The following SCD5 variants were observed in gnomAD, a reference collection of about 807,000 sequenced individuals.
SCD5 encodes the protein acyl-CoA-desaturase 4.
A neutral mutation model predicts 30.4 loss-of-function variants in SCD5; 20 were observed. The observed-to-expected ratio is 0.66, with a 90% confidence interval of 0.46 to 0.96. The LOEUF (loss-of-function observed/expected upper bound fraction) is 0.96, where lower values mean the gene tolerates loss of function less well. Among genes scored for constraint, SCD5 ranks in the 40% least tolerant of loss-of-function variants. The pLI, the probability that SCD5 is intolerant of heterozygous loss-of-function variation, is 0.00. For synonymous variants in SCD5, 173 were observed against 176.4 expected (o/e 0.98, Z 0.16); for missense variants, 381 against 443.3 (o/e 0.86, Z 1.26).
At chr4:82,665,191 C>G (rs1267929532) in intron 3 of SCD5, among the ~76,000 whole-genome samples, 8 of 131,828 alleles carry the variant, frequency 6.1e-5, no homozygotes, top group African/African-American at 2.3e-4. Context: ...CAGCTATGAT[C>G]ATGTCACTGC....
intron 1 of SCD5, among the ~76,000 whole-genome samples, chr4:82,790,699 C>T (rs531832550): frequency 7.2e-5 from 11 of 152,202 alleles, no homozygotes; most frequent in Non-Finnish European, 1.5e-4. Context: ...ATGGTGCCAG[C>T]GCTTGGCAGG....
intron 1 of SCD5, among the ~76,000 whole-genome samples, chr4:82,754,031 T>G (rs1403644789): frequency 6.6e-6 from 1 of 152,130 alleles, no homozygotes; most frequent in Non-Finnish European, 1.5e-5. Context: ...TAACGCAGTC[T>G]CTTGTCAAGC....
chr4:82,680,948 A>T, intron 2 of SCD5, 36 bp from the exon 3 acceptor site: 1 of 1,583,650 alleles, frequency 6.3e-7, no homozygotes, highest in East Asian at 2.2e-5. Flanking sequence ...GAAGAGAGGA[A>T]CCGCACCGCC....
chr4:82,779,101 G>T (rs902255840), intron 1 of SCD5, among the ~76,000 whole-genome samples: 2 of 152,148 alleles, frequency 1.3e-5, no homozygotes, highest in Non-Finnish European at 2.9e-5. Flanking sequence ...CCGACCTCAG[G>T]TGATCCACCC....
chr4:82,753,288 T>A, intron 1 of SCD5: 2 of 500,114 alleles, frequency 4.0e-6, no homozygotes, highest in Non-Finnish European at 8.3e-6. Flanking sequence ...GATGGCTATG[T>A]GTGTTAAAAG....
chr4:82,663,766 T>C (rs1728086801), intron 3 of SCD5, among the ~76,000 whole-genome samples: 1 of 152,186 alleles, frequency 6.6e-6, no homozygotes, highest in Non-Finnish European at 1.5e-5. Flanking sequence ...ATTGTTTGTC[T>C]CTGGGAGAGG....
chr4:82,722,348 G>T (rs1000279247), intron 1 of SCD5, among the ~76,000 whole-genome samples: 1 of 152,160 alleles, frequency 6.6e-6, no homozygotes. Flanking sequence ...CACTAGAGTG[G>T]TTGGTTGTGA....
rs1227040835 is a variant in SCD5 at position 82,798,625 on chromosome 4, C to A, written c.-88G>T. 8.5e-7 allele frequency: 1 copy of A among 1,176,638 alleles called. No homozygotes were observed. Among genetic ancestry groups the A allele is most frequent in the Non-Finnish European group, 1.2e-6 (1 of 857,990 alleles). 72.9% of individuals were successfully genotyped at this position (1,176,638 alleles called of 1,614,324 possible). On this transcript the variant is annotated 5_prime_UTR_variant, in exon 1 of 5. Transcript: ENST00000319540. ...TCGAGGGTGGGGGCGGGGGCTTCTG[C>A]CTTTTAGGGGGGAATTCTCCGCACG...
chr4:82,631,643 G>T, intron 4 of SCD5, 126 bp from the exon 5 acceptor site: 1 of 974,060 alleles, frequency 1.0e-6, no homozygotes, highest in Non-Finnish European at 1.5e-6. Context: ...AGGAGCAAAA[G>T]ACTTGGTTAC....
intron 2 of SCD5, among the ~76,000 whole-genome samples, chr4:82,687,064 G>A (rs1278806134): frequency 2.0e-5 from 3 of 151,770 alleles, no homozygotes; most frequent in African/African-American, 4.8e-5. Flanking sequence ...CCAGCTACTC[G>A]GGTGGCTGAG....
intron 2 of SCD5, among the ~76,000 whole-genome samples, chr4:82,693,412 C>A (rs1719610166): frequency 6.6e-6 from 1 of 152,196 alleles, no homozygotes; most frequent in South Asian, 2.1e-4. Context: ...CTGCACACTT[C>A]TCATTTTTAC....
chr4:82,688,402 C>T (rs936216328), intron 2 of SCD5, among the ~76,000 whole-genome samples: 1 of 151,942 alleles, frequency 6.6e-6, no homozygotes, highest in African/African-American at 2.4e-5. Context: ...ACTGGTGGCT[C>T]CACTCCTTAG....
At chr4:82,656,547 G>A (rs1056842059) in intron 3 of SCD5, among the ~76,000 whole-genome samples, 1 of 152,134 alleles carries the variant, frequency 6.6e-6, no homozygotes, top group East Asian at 1.9e-4. Context: ...TGTGAATAGT[G>A]CTGCAATAAA....
chr4:82,667,771 AT>A (rs1002941807), intron 3 of SCD5, among the ~76,000 whole-genome samples: 7 of 151,980 alleles, frequency 4.6e-5, no homozygotes, highest in African/African-American at 1.7e-4. Flanking sequence ...TTTATTCTCA[AT>A]TTTTTTTGTT....
chr4:82,632,378 T>C (rs6853670), intron 4 of SCD5, among the ~76,000 whole-genome samples: 40,278 of 152,014 alleles, frequency 0.26, 6,358 homozygotes, highest in African/African-American at 0.44. Flanking sequence ...TCCTTTTTTA[T>C]GGCTGCATAG....
chr4:82,798,493 G>T lies in SCD5; in HGVS notation c.45C>A (p.Asp15Glu). ...ATDAGKIPFC[D>E]AKEEIRAGLE... is the part of the protein sequence containing the mutation. The stretch of plus-strand genomic sequence containing the variant: ...GCCCGGCACGGATTTCTTCCTTGGC[G>T]TCGCAGAAAGGGATCTTCCCCGCGT... Residue 15 changes from aspartate (D) to glutamate (E), a missense_variant, in exon 1 of 5, where the codon GAC (aspartate) becomes GAA (glutamate). By Grantham distance (45) the Asp-to-Glu change is conservative. Transcript: ENST00000319540. 1 of 1,610,636 alleles carries T rather than the reference G, an allele frequency of 6.2e-7. No homozygotes were observed. Among genetic ancestry groups the T allele is most frequent in the Non-Finnish European group, 8.5e-7 (1 of 1,178,664 alleles).
chr4:82,768,438 C>T lies in SCD5; in HGVS notation c.232+29868G>A, dbSNP rs934397199. ...TCTAGTAAGTTAAAAAAAAGTCTGA[C>T]CAAAAATTAGGAAGAATAAGGTAAT... On this transcript the variant is annotated intron_variant, in intron 1 of 4. Transcript: ENST00000319540. Among the ~76,000 whole-genome samples, 8 of 151,822 alleles carry T rather than the reference C, an allele frequency of 5.3e-5. No individual in the cohort carries two copies. The East Asian group carries it at 1.4e-3, about 26-fold the overall frequency.
At chr4:82,709,347 C>T (rs1354563710) in intron 1 of SCD5, among the ~76,000 whole-genome samples, 1 of 152,096 alleles carries the variant, frequency 6.6e-6, no homozygotes, top group Non-Finnish European at 1.5e-5. Context: ...TTTCATTGAG[C>T]TGCTATTATG....
intron 1 of SCD5, among the ~76,000 whole-genome samples, chr4:82,735,525 A>G (rs1162118080): frequency 6.6e-6 from 1 of 152,228 alleles, no homozygotes; most frequent in African/African-American, 2.4e-5. Context: ...CAGATACACG[A>G]CAATAAACGA....
Sources: allele counts gnomAD v4.1 joint callset (sites outside exome capture counted in the v4.1 genomes callset), GRCh38; gene constraint gnomAD v4.1.1; transcripts MANE v1.5; gene names NCBI Gene and HGNC (gene_info 2026-07-23, HGNC 2026-07-21).